AUTS2: variants seen among roughly 807,000 people sequenced by gnomAD.
AUTS2 encodes activator of transcription and developmental regulator AUTS2.
In AUTS2, 17 loss-of-function variants were observed where a neutral mutation model predicts 112.4. The observed-to-expected ratio is 0.15, with a 90% CI of 0.10 to 0.23. AUTS2 has a LOEUF of 0.23. Among genes scored for constraint, AUTS2 ranks in the 10% least tolerant of loss-of-function variants. The pLI is 1.00. For synonymous variants in AUTS2, 751 were observed against 702.7 expected (o/e 1.07, Z -1.09); for missense variants, 1,510 against 1,701.6 (o/e 0.89, Z 1.98).
At chr7:70,666,963 C>A (rs1304091125) in intron 5 of AUTS2, among the ~76,000 whole-genome samples, 1 of 131,250 alleles carries the variant, frequency 7.6e-6, no homozygotes, top group African/African-American at 3.2e-5. Context: ...GTTCCTAGTG[C>A]CGTCTTCTTA....
chr7:70,065,347 A>G (rs1000011510), intron 2 of AUTS2, among the ~76,000 whole-genome samples: 1 of 152,222 alleles, frequency 6.6e-6, no homozygotes, highest in Admixed American at 6.5e-5. Flanking sequence ...AAAAAACCAC[A>G]AAACTTTGTC....
At chr7:69,836,039 T>C (rs976770481) in intron 1 of AUTS2, among the ~76,000 whole-genome samples, 6 of 152,196 alleles carry the variant, frequency 3.9e-5, no homozygotes, top group Non-Finnish European at 2.9e-5. Flanking sequence ...TTTATCTGTT[T>C]CTTCAGTTGA....
chr7:69,739,751 A>G (rs1357682660), intron 1 of AUTS2, among the ~76,000 whole-genome samples: 1 of 152,196 alleles, frequency 6.6e-6, no homozygotes, highest in Non-Finnish European at 1.5e-5. Flanking sequence ...TTGAGGCTTT[A>G]ACTATCAGAT....
intron 2 of AUTS2, among the ~76,000 whole-genome samples, chr7:69,999,009 A>C (rs551696408): frequency 6.6e-6 from 1 of 152,240 alleles, no homozygotes; most frequent in African/African-American, 2.4e-5. Context: ...GTGCTATGTG[A>C]TATGTTTACT....
chr7:70,075,667 T>C (rs1317745224), intron 2 of AUTS2, among the ~76,000 whole-genome samples: 1 of 152,116 alleles, frequency 6.6e-6, no homozygotes, highest in Non-Finnish European at 1.5e-5. Context: ...AATGTACAAA[T>C]AATCAAAAGG....
chr7:70,358,055 A>G (rs1792092091), intron 4 of AUTS2, among the ~76,000 whole-genome samples: 2 of 152,184 alleles, frequency 1.3e-5, no homozygotes, highest in South Asian at 4.1e-4. Context: ...GGGGCTATGG[A>G]TGAGCAGATG....
chr7:70,224,744 C>T (rs1811678071), intron 4 of AUTS2, among the ~76,000 whole-genome samples: 1 of 152,056 alleles, frequency 6.6e-6, no homozygotes, highest in African/African-American at 2.4e-5. Flanking sequence ...TGGTAAGTGC[C>T]CTATACAGGT....
chr7:70,283,421 ACAAACTGACATGT>A (rs547335550), intron 4 of AUTS2, among the ~76,000 whole-genome samples: 1 of 152,176 alleles, frequency 6.6e-6, no homozygotes, highest in South Asian at 2.1e-4. Context: ...AACTACACTA[ACAAACTGACATGT>A]CAAACTGACA....
At chr7:70,664,878 C>G (rs985372412) in intron 5 of AUTS2, among the ~76,000 whole-genome samples, 1 of 152,114 alleles carries the variant, frequency 6.6e-6, no homozygotes, top group Non-Finnish European at 1.5e-5. Context: ...CAAGGCCAGC[C>G]TGGGCAACAT....
chr7:70,380,352 T>C (rs921915964), intron 4 of AUTS2, among the ~76,000 whole-genome samples: 2 of 152,228 alleles, frequency 1.3e-5, no homozygotes, highest in East Asian at 3.9e-4. Context: ...GGGCAGACTT[T>C]GGTAATTTCA....
At chr7:69,693,930 C>G (rs1047015217) in intron 1 of AUTS2, among the ~76,000 whole-genome samples, 1 of 152,158 alleles carries the variant, frequency 6.6e-6, no homozygotes. Context: ...TAGGGTGATT[C>G]TAATGCCTGC....
chr7:70,632,704 G>T (rs953729982), intron 5 of AUTS2, among the ~76,000 whole-genome samples: 10 of 151,800 alleles, frequency 6.6e-5, no homozygotes, highest in African/African-American at 2.4e-4. Flanking sequence ...TGTCTCTCTT[G>T]GGTTCTTCCT....
intron 5 of AUTS2, among the ~76,000 whole-genome samples, chr7:70,644,445 C>T (rs1047019640): frequency 1.3e-5 from 2 of 152,110 alleles, no homozygotes; most frequent in South Asian, 2.1e-4. Context: ...ACTTCCCTCG[C>T]GGGGTCAACA....
intron 4 of AUTS2, among the ~76,000 whole-genome samples, chr7:70,363,426 C>G (rs1008338563): frequency 8.1e-6 from 1 of 123,224 alleles, no homozygotes; most frequent in Admixed American, 8.9e-5. Flanking sequence ...GCACAATGTG[C>G]ACATGTACCC....
chr7:70,269,002 C>A (rs1034325108), intron 4 of AUTS2, among the ~76,000 whole-genome samples: 6 of 152,158 alleles, frequency 3.9e-5, no homozygotes, highest in Non-Finnish European at 2.9e-5. Flanking sequence ...AAACCTTAAT[C>A]GTCTCCTCTC....
intron 4 of AUTS2, among the ~76,000 whole-genome samples, chr7:70,319,327 A>T (rs10262697): frequency 0.2 from 31,096 of 152,136 alleles, 3,192 homozygotes; most frequent in Middle Eastern, 0.32. Flanking sequence ...GTATCCACTG[A>T]AGATAATGAT....
intron 5 of AUTS2, among the ~76,000 whole-genome samples, chr7:70,604,668 T>C (rs1803640693): frequency 6.6e-6 from 1 of 152,214 alleles, no homozygotes. Context: ...CTATCCCTGC[T>C]CACCTCTGCC....
At chr7:70,409,305 T>C (rs1339259098) in intron 4 of AUTS2, among the ~76,000 whole-genome samples, 1 of 152,204 alleles carries the variant, frequency 6.6e-6, no homozygotes, top group African/African-American at 2.4e-5. Context: ...GCTGTGTACT[T>C]GTCTAGTATC....
intron 4 of AUTS2, among the ~76,000 whole-genome samples, chr7:70,223,455 A>G (rs1811591575): frequency 6.6e-6 from 1 of 152,216 alleles, no homozygotes; most frequent in South Asian, 2.1e-4. Flanking sequence ...TTATAGTGCA[A>G]CAAATTACTC....
Sources: gnomAD v4.1 joint callset for allele counts (sites outside exome capture counted in the v4.1 genomes callset) on GRCh38, gnomAD v4.1.1 for gene constraint, MANE v1.5 for transcripts, NCBI Gene and HGNC (gene_info 2026-07-23, HGNC 2026-07-21) for gene names.